TNFSF4: variants seen among roughly 807,000 people sequenced by gnomAD.
TNFSF4 encodes the protein TNF superfamily member 4.
In TNFSF4, 4 loss-of-function variants were observed where a neutral mutation model predicts 7.3. The observed-to-expected ratio is 0.55, with a 90% CI of 0.27 to 1.25. TNFSF4 has a LOEUF of 1.25. Among genes scored for constraint, TNFSF4 ranks in the 50% most tolerant of loss-of-function variants. The pLI, the probability that TNFSF4 is intolerant of heterozygous loss-of-function variation, is 0.12. For synonymous variants in TNFSF4, 76 were observed against 83.7 expected (o/e 0.91, Z 0.50); for missense variants, 181 against 208.8 (o/e 0.87, Z 0.82).
At chr1:173,415,478 C>T in the TNFSF4 span, among the ~76,000 whole-genome samples, 4 of 152,192 alleles carry the variant, frequency 2.6e-5, no homozygotes, top group African/African-American at 9.7e-5. Context: ...AGCAGCATGT[C>T]AGACTCAATC....
chr1:173,393,661 T>C, the TNFSF4 span, among the ~76,000 whole-genome samples: 1 of 152,236 alleles, frequency 6.6e-6, no homozygotes, highest in Non-Finnish European at 1.5e-5. Context: ...CCAAAGAAGA[T>C]AAAAAATGCT....
intron 1 of TNFSF4, chr1:173,205,596 T>C: frequency 1.7e-6 from 2 of 1,164,768 alleles, no homozygotes; most frequent in African/African-American, 1.6e-5. Context: ...AACACTGTGG[T>C]TGTTAGAAAA....
At chr1:173,302,906 AACCCTGACATCAAACCATTC>A in the TNFSF4 span, among the ~76,000 whole-genome samples, 1 of 151,924 alleles carries the variant, frequency 6.6e-6, no homozygotes, top group East Asian at 1.9e-4. Flanking sequence ...GATGTGATTA[AACCCTGACATCAAACCATTC>A]ATCATTCCAA....
the TNFSF4 span, among the ~76,000 whole-genome samples, chr1:173,446,825 A>T: frequency 1.3e-5 from 2 of 152,204 alleles, no homozygotes; most frequent in African/African-American, 4.8e-5. Context: ...AGCTGCAGAC[A>T]AGGCTGCACT....
the TNFSF4 span, among the ~76,000 whole-genome samples, chr1:173,441,113 A>G: frequency 1.6e-4 from 24 of 152,178 alleles, no homozygotes; most frequent in African/African-American, 5.8e-4. Flanking sequence ...AAGGAAACCA[A>G]AACAGTTCAA....
the TNFSF4 span, among the ~76,000 whole-genome samples, chr1:173,229,628 A>C: frequency 6.6e-6 from 1 of 152,224 alleles, no homozygotes; most frequent in Non-Finnish European, 1.5e-5. Flanking sequence ...ATTAAAAGAC[A>C]CAGACTGGCA....
the TNFSF4 span, among the ~76,000 whole-genome samples, chr1:173,328,174 A>G: frequency 6.6e-6 from 1 of 152,180 alleles, no homozygotes; most frequent in African/African-American, 2.4e-5. Flanking sequence ...CTATGCAGCC[A>G]TAAAAAATGA....
chr1:173,360,736 A>T, the TNFSF4 span, among the ~76,000 whole-genome samples: 1 of 152,234 alleles, frequency 6.6e-6, no homozygotes, highest in Non-Finnish European at 1.5e-5. Flanking sequence ...ACTTCAGAGC[A>T]GGACTCACTG....
chr1:173,420,451 C>G, the TNFSF4 span, among the ~76,000 whole-genome samples: 1 of 152,214 alleles, frequency 6.6e-6, no homozygotes, highest in Non-Finnish European at 1.5e-5. Flanking sequence ...TTGGTGCCCT[C>G]TGGGTTTAGC....
the TNFSF4 span, among the ~76,000 whole-genome samples, chr1:173,378,761 C>T: frequency 6.6e-6 from 1 of 152,050 alleles, no homozygotes; most frequent in African/African-American, 2.4e-5. Flanking sequence ...CTCAGCTTAC[C>T]CCCATATCCC....
At chr1:173,220,156 T>C in the TNFSF4 span, among the ~76,000 whole-genome samples, 1 of 152,100 alleles carries the variant, frequency 6.6e-6, no homozygotes, top group African/African-American at 2.4e-5. Context: ...CCTTCAAATA[T>C]CGTTCTCTTG....
chr1:173,200,215 A>G (rs1261482579), intron 1 of TNFSF4, among the ~76,000 whole-genome samples: 1 of 152,218 alleles, frequency 6.6e-6, no homozygotes, highest in Admixed American at 6.5e-5. Context: ...AGAAGATAGG[A>G]CTGGAATTTA....
the TNFSF4 span, among the ~76,000 whole-genome samples, chr1:173,251,268 C>A: frequency 6.6e-6 from 1 of 152,218 alleles, no homozygotes; most frequent in African/African-American, 2.4e-5. Flanking sequence ...TACTTCACAC[C>A]ATTTAACTGC....
the TNFSF4 span, among the ~76,000 whole-genome samples, chr1:173,288,319 C>T: frequency 6.6e-6 from 1 of 152,062 alleles, no homozygotes; most frequent in East Asian, 1.9e-4. Flanking sequence ...ACCTGTAGAC[C>T]CAGTTACTTG....
the TNFSF4 span, among the ~76,000 whole-genome samples, chr1:173,383,959 C>T: frequency 6.6e-6 from 1 of 152,194 alleles, no homozygotes; most frequent in African/African-American, 2.4e-5. Context: ...TAGCAAATGA[C>T]AACTTATGTT....
At chr1:173,422,008 T>C in the TNFSF4 span, among the ~76,000 whole-genome samples, 22 of 151,976 alleles carry the variant, frequency 1.4e-4, no homozygotes, top group Non-Finnish European at 3.1e-4. Flanking sequence ...CTGCACATAA[T>C]AGGAAAATAA....
chr1:173,415,762 T>G, the TNFSF4 span, among the ~76,000 whole-genome samples: 1 of 152,262 alleles, frequency 6.6e-6, no homozygotes, highest in African/African-American at 2.4e-5. Flanking sequence ...TGTTTTCTTT[T>G]TTAGTATGCT....
chr1:173,351,628 A>G, the TNFSF4 span: 2 of 236,106 alleles, frequency 8.5e-6, no homozygotes, highest in African/African-American at 2.3e-5. Context: ...ACAATGTACC[A>G]TAATCTCTGG....
the TNFSF4 span, among the ~76,000 whole-genome samples, chr1:173,300,788 A>C: frequency 6.6e-6 from 1 of 151,732 alleles, no homozygotes; most frequent in Non-Finnish European, 1.5e-5. Context: ...AGTTGATCTT[A>C]TTTTGAAAGT....
Sources: gnomAD v4.1 joint callset for allele counts (sites outside exome capture counted in the v4.1 genomes callset) on GRCh38, gnomAD v4.1.1 for gene constraint, MANE v1.5 for transcripts, NCBI Gene and HGNC (gene_info 2026-07-23, HGNC 2026-07-21) for gene names.